SLC41A2: variants seen among roughly 807,000 people sequenced by gnomAD.
SLC41A2 encodes solute carrier family 41 member 2.
In SLC41A2, 32 loss-of-function variants were observed where a neutral mutation model predicts 58.3. The observed-to-expected ratio is 0.55, with a 90% confidence interval of 0.41 to 0.74. SLC41A2 has a LOEUF of 0.74. Ranked by LOEUF, SLC41A2 falls within the 30% of genes least tolerant of loss-of-function variation. SLC41A2 has a pLI of 0.00. For missense variants in SLC41A2, 514 were observed against 680.6 expected, an observed-to-expected ratio of 0.76 and a Z score of 2.72; for synonymous variants, 190 against 235.0, an observed-to-expected ratio of 0.81 and a Z score of 1.75.
chr12:104,807,380 A>C (rs1488448422), intron 10 of SLC41A2, among the ~76,000 whole-genome samples: 1 of 152,126 alleles, frequency 6.6e-6, no homozygotes, highest in Non-Finnish European at 1.5e-5. Context: ...AGTTGTAGAT[A>C]TGTGGCATTA....
chr12:104,853,930 T>TTTTTATTTA (rs1565842804), intron 8 of SLC41A2, among the ~76,000 whole-genome samples: 2 of 140,106 alleles, frequency 1.4e-5, no homozygotes, highest in African/African-American at 5.3e-5. Context: ...TTTTTTTTTT[T>TTTTTATTTA]TTTTTTTTTA....
At chr12:104,810,428 A>G (rs1236359416) in intron 10 of SLC41A2, among the ~76,000 whole-genome samples, 1 of 152,174 alleles carries the variant, frequency 6.6e-6, no homozygotes, top group African/African-American at 2.4e-5. Context: ...ACATGTTTAC[A>G]TATTAACAAT....
At chr12:104,932,160 T>C (rs185282505) in intron 1 of SLC41A2, among the ~76,000 whole-genome samples, 3 of 152,296 alleles carry the variant, frequency 2.0e-5, no homozygotes, top group East Asian at 1.9e-4. Context: ...ATTGACAAGG[T>C]CTATTATCTC....
At chr12:104,858,498 T>C (rs1034014244) in intron 8 of SLC41A2, among the ~76,000 whole-genome samples, 1 of 152,148 alleles carries the variant, frequency 6.6e-6, no homozygotes, top group Middle Eastern at 3.2e-3. Context: ...TAGCAGATAA[T>C]GATGATAATG....
chr12:104,909,519 T>C (rs557369426), intron 3 of SLC41A2, 136 bp downstream of exon 3: 15 of 599,552 alleles, frequency 2.5e-5, no homozygotes, highest in African/African-American at 1.4e-4. Flanking sequence ...GAATATGATA[T>C]CAGGCATAAC....
At chr12:104,846,201 C>A (rs1233513993) in intron 8 of SLC41A2, among the ~76,000 whole-genome samples, 2 of 152,098 alleles carry the variant, frequency 1.3e-5, no homozygotes, top group Non-Finnish European at 2.9e-5. Flanking sequence ...GGTATGCAAG[C>A]AGACCAGAGC....
chr12:104,866,958 AAAAT>A (rs534016575), intron 6 of SLC41A2, among the ~76,000 whole-genome samples: 170 of 152,252 alleles, frequency 1.1e-3, no homozygotes, highest in Middle Eastern at 6.8e-3. Flanking sequence ...CCACCAATAT[AAAAT>A]AGATACTGTC....
chr12:104,955,245 A>G (rs796869731), intron 1 of SLC41A2, among the ~76,000 whole-genome samples: 4 of 151,800 alleles, frequency 2.6e-5, no homozygotes, highest in African/African-American at 9.7e-5. Context: ...CGAACTCCCA[A>G]CCTCAGGTGA....
At chr12:104,903,895 A>G (rs2045680396) in intron 3 of SLC41A2, among the ~76,000 whole-genome samples, 2 of 152,214 alleles carry the variant, frequency 1.3e-5, no homozygotes, top group African/African-American at 4.8e-5. Context: ...CTGGGCTTGT[A>G]ATCAGCTCCT....
intron 3 of SLC41A2, among the ~76,000 whole-genome samples, chr12:104,900,036 C>A (rs2045485838): frequency 6.6e-6 from 1 of 152,074 alleles, no homozygotes; most frequent in Admixed American, 6.6e-5. Flanking sequence ...CTAGAATCTC[C>A]TCCCTTAATT....
chr12:104,922,346 C>G (rs2046635884), intron 2 of SLC41A2, among the ~76,000 whole-genome samples: 2 of 151,596 alleles, frequency 1.3e-5, no homozygotes, highest in Admixed American at 1.3e-4. Flanking sequence ...CAACTAGAAA[C>G]CAAGAAAAGA....
At chr12:104,934,791 A>T (rs1460957011) in intron 1 of SLC41A2, among the ~76,000 whole-genome samples, 1 of 152,236 alleles carries the variant, frequency 6.6e-6, no homozygotes, top group East Asian at 1.9e-4. Context: ...ACAGAAAGAA[A>T]AATATTGTAC....
chr12:104,879,063 G>A (rs1355401151), intron 6 of SLC41A2, among the ~76,000 whole-genome samples: 1 of 152,222 alleles, frequency 6.6e-6, no homozygotes, highest in African/African-American at 2.4e-5. Flanking sequence ...CTGATGGCCA[G>A]TGATGATGAG....
intron 10 of SLC41A2, among the ~76,000 whole-genome samples, chr12:104,807,706 GTTC>G (rs1347497844): frequency 6.6e-6 from 1 of 152,192 alleles, no homozygotes; most frequent in Non-Finnish European, 1.5e-5. Context: ...AGCATGGAAT[GTTC>G]TTCTATTTGT....
At chr12:104,833,347 CAT>C (rs2042103543) in intron 10 of SLC41A2, among the ~76,000 whole-genome samples, 1 of 152,184 alleles carries the variant, frequency 6.6e-6, no homozygotes, top group Non-Finnish European at 1.5e-5. Flanking sequence ...AAACAATGGT[CAT>C]ACCCAAGTAA....
chr12:104,915,981 G>A (rs1056471248), intron 2 of SLC41A2, among the ~76,000 whole-genome samples: 2 of 152,100 alleles, frequency 1.3e-5, no homozygotes, highest in African/African-American at 4.8e-5. Context: ...TAGCATAAGG[G>A]GTTGTTGAAT....
At chr12:104,954,009 T>G (rs1325849148) in intron 1 of SLC41A2, among the ~76,000 whole-genome samples, 1 of 152,206 alleles carries the variant, frequency 6.6e-6, no homozygotes, top group Non-Finnish European at 1.5e-5. Flanking sequence ...AATCTGTCTT[T>G]ATATCCTACA....
intron 10 of SLC41A2, chr12:104,834,088 C>A (rs1188878554): frequency 4.1e-6 from 4 of 985,248 alleles, no homozygotes; most frequent in Non-Finnish European, 4.8e-6. Flanking sequence ...CCCAATGCCT[C>A]ACCTCACAGG....
At chr12:104,883,655 A>G (rs1035188738) in intron 6 of SLC41A2, among the ~76,000 whole-genome samples, 1 of 152,272 alleles carries the variant, frequency 6.6e-6, no homozygotes. Flanking sequence ...CGGAGGCTGC[A>G]GAGCAGCAAA....
Sources: gnomAD v4.1 joint callset for allele counts (sites outside exome capture counted in the v4.1 genomes callset) on GRCh38, gnomAD v4.1.1 for gene constraint, MANE v1.5 for transcripts, NCBI Gene and HGNC (gene_info 2026-07-23, HGNC 2026-07-21) for gene names.